The following GPM6B variants were observed in gnomAD, a reference collection of about 807,000 sequenced individuals.
GPM6B encodes the protein neuronal membrane glycoprotein M6-b.
A neutral mutation model predicts 27.2 loss-of-function variants in GPM6B; 4 were observed. That is an observed-to-expected ratio of 0.15 (90% CI 0.07 to 0.34). The LOEUF (loss-of-function observed/expected upper bound fraction) is 0.34, where lower values mean the gene tolerates loss of function less well. Ranked by LOEUF, GPM6B falls within the 10% of genes least tolerant of loss-of-function variation. The pLI is 1.00. For synonymous variants in GPM6B, 124 were observed against 103.1 expected (o/e 1.20, Z -1.23); for missense variants, 183 against 261.9 (o/e 0.70, Z 2.08).
At chrX:13,791,828 T>C (rs983371497) in intron 2 of GPM6B, among the ~76,000 whole-genome samples, 2 of 110,434 alleles carry the variant, frequency 1.8e-5, no homozygotes, top group Non-Finnish European at 3.8e-5. Context: ...GGCTCAGACG[T>C]AGGGCTGGCA....
At chrX:13,866,834 C>T (rs2049925532) in intron 1 of GPM6B, among the ~76,000 whole-genome samples, 1 of 111,390 alleles carries the variant, frequency 9.0e-6, no homozygotes, top group South Asian at 3.8e-4. Flanking sequence ...GATAAAATAA[C>T]TAAATCTTCC....
At chrX:13,931,725 G>A (rs1172284526) in intron 1 of GPM6B, among the ~76,000 whole-genome samples, 1 of 111,312 alleles carries the variant, frequency 9.0e-6, no homozygotes, top group Non-Finnish European at 1.9e-5. Context: ...GTGTCCATTT[G>A]TAATCAACTA....
chrX:13,835,115 A>G (rs2049481252), intron 1 of GPM6B, among the ~76,000 whole-genome samples: 1 of 112,118 alleles, frequency 8.9e-6, no homozygotes, highest in Admixed American at 9.5e-5. Context: ...GCATCTCAGC[A>G]GACTAAACCG....
At chrX:13,825,206 G>T (rs892288505) in intron 1 of GPM6B, among the ~76,000 whole-genome samples, 8 of 111,666 alleles carry the variant, frequency 7.2e-5, no homozygotes, top group South Asian at 3.7e-4. Flanking sequence ...TTTGAGGGGG[G>T]TGGGGGACAC....
At chrX:13,774,784 A>C (rs1477103533) in intron 7 of GPM6B, among the ~76,000 whole-genome samples, 3 of 111,927 alleles carry the variant, frequency 2.7e-5, no homozygotes, top group East Asian at 2.8e-4. Context: ...AGCACACACA[A>C]ACTTTTTCTC....
intron 7 of GPM6B, 64 bp from the exon 8 acceptor site, chrX:13,773,094 T>C: frequency 1.9e-6 from 2 of 1,041,680 alleles, no homozygotes; most frequent in South Asian, 2.0e-5. Flanking sequence ...GAGGCGCTAG[T>C]TAGATTAGAC....
At position 13,773,978 on chromosome X, in the gene GPM6B, T is replaced by TTTC. The variant is rs1555909942; in HGVS notation, c.838-949_838-948insGAA. Reference sequence around the variant, plus strand: ...CTTTTTTTTTTTTTTTTTTTTTTTTTTCCAGAGAACTGGGTGACCTTTTTC... The same window carrying TTTC: ...CTTTTTTTTTTTTTTTTTTTTTTTTTTTCTCCAGAGAACTGGGTGACCTTTTTC... On this transcript the variant is annotated intron_variant, in intron 7 of 7. Transcript: ENST00000316715. 3.7e-4 allele frequency: 270 copies of TTTC among 725,465 alleles called. 5 individuals are homozygous for TTTC. In the African/African-American group the frequency reaches 6.3e-3, roughly 17 times the overall value. 59.8% of individuals were successfully genotyped at this position (725,465 alleles called of 1,213,427 possible). A position where few individuals can be genotyped will look rare whatever the true frequency, so the allele number is the denominator to read the frequency against.
intron 4 of GPM6B, among the ~76,000 whole-genome samples, chrX:13,781,786 T>G (rs1370048844): frequency 8.9e-6 from 1 of 111,975 alleles, no homozygotes; most frequent in East Asian, 2.8e-4. Flanking sequence ...AAAACCAAGC[T>G]GTGCCCTGAC....
At chrX:13,855,557 G>A (rs965314170) in intron 1 of GPM6B, among the ~76,000 whole-genome samples, 1 of 112,065 alleles carries the variant, frequency 8.9e-6, no homozygotes, top group Non-Finnish European at 1.9e-5. Context: ...ATCATTTCCA[G>A]TGTTTGGCTA....
intron 1 of GPM6B, among the ~76,000 whole-genome samples, chrX:13,814,791 C>G (rs1241500625): frequency 8.9e-6 from 1 of 111,780 alleles, no homozygotes; most frequent in Non-Finnish European, 1.9e-5. Context: ...GGTCACACAA[C>G]AATCACAACC....
At chrX:13,920,266 C>CAAAAAAAAAA (rs144988935) in intron 1 of GPM6B, among the ~76,000 whole-genome samples, 1 of 22,315 alleles carries the variant, frequency 4.5e-5, no homozygotes, top group Non-Finnish European at 7.5e-5. Flanking sequence ...GACTCTGTCT[C>CAAAAAAAAAA]AAAAAAAAAA....
intron 1 of GPM6B, among the ~76,000 whole-genome samples, chrX:13,875,264 G>A (rs1175556462): frequency 1.8e-5 from 2 of 111,275 alleles, no homozygotes; most frequent in African/African-American, 3.3e-5. Flanking sequence ...ATGAATATAT[G>A]AGGAGGCAAA....
intron 4 of GPM6B, among the ~76,000 whole-genome samples, chrX:13,780,274 T>A (rs1178276262): frequency 9.0e-6 from 1 of 111,317 alleles, no homozygotes; most frequent in African/African-American, 3.3e-5. Flanking sequence ...CCCCAAGAGG[T>A]GATCTCACTC....
chrX:13,904,039 T>G (rs1442107940), intron 1 of GPM6B, among the ~76,000 whole-genome samples: 2 of 110,955 alleles, frequency 1.8e-5, no homozygotes, highest in South Asian at 7.7e-4. Context: ...AGCTGAACCC[T>G]CCAGATCTCC....
intron 5 of GPM6B, among the ~76,000 whole-genome samples, chrX:13,778,837 T>C (rs2048463707): frequency 1.8e-5 from 2 of 111,963 alleles, no homozygotes; most frequent in South Asian, 7.5e-4. Flanking sequence ...TAAAGAACAG[T>C]GTTGTTCAGC....
rs180779258 is a variant in GPM6B at position 13,914,481 on chromosome X, T to G, written c.-198+23846A>C. ...CCTGAACTCCCTTTTCTTCTTCCTA[T>G]GAGCAGGGATGTGAAGGTGATTGCA... On this transcript the variant is annotated intron_variant, in intron 1 of 6. Transcript: ENST00000398361. 3.6e-5 allele frequency among the ~76,000 whole-genome samples: 4 copies of G among 112,618 alleles called. No homozygotes were observed. The East Asian group carries it at 8.4e-4, about 24-fold the overall frequency.
At chrX:13,846,740 G>A (rs1325320374) in intron 1 of GPM6B, among the ~76,000 whole-genome samples, 3 of 104,800 alleles carry the variant, frequency 2.9e-5, no homozygotes, top group East Asian at 2.9e-4. Context: ...TGATCCACCC[G>A]CCTCGGCCTC....
rs949302754 is a variant in GPM6B, at chrX:13,837,715, G to A, written c.-197-51907C>T. ...GCTTTTTCAAAGCAAGTTGGTGGGG[G>A]GGGGGGGGGGGGGAAGCAGAGGGGA... On this transcript the variant is annotated intron_variant, in intron 1 of 6. Coordinates refer to the GPM6B transcript ENST00000398361. 6.3e-5 allele frequency among the ~76,000 whole-genome samples: 5 copies of A among 79,377 alleles called. No individual in the cohort carries two copies. In the East Asian group the frequency reaches 2.0e-3, roughly 32 times the overall value. The allele number at this position is 79,377 out of a possible 115,157, so 68.9% of individuals were successfully genotyped here.
chrX:13,861,473 ATTT>A (rs991047580), intron 1 of GPM6B, among the ~76,000 whole-genome samples: 3 of 111,498 alleles, frequency 2.7e-5, no homozygotes, highest in Non-Finnish European at 5.7e-5. Context: ...AACATCTATT[ATTT>A]TTTTATTTAC....
Sources: allele counts gnomAD v4.1 joint callset (sites outside exome capture counted in the v4.1 genomes callset), GRCh38; gene constraint gnomAD v4.1.1; transcripts MANE v1.5; gene names NCBI Gene and HGNC (gene_info 2026-07-23, HGNC 2026-07-21).